LAMA3: variants seen among roughly 807,000 people sequenced by gnomAD.
The protein encoded by LAMA3 is laminin subunit alpha-3.
Under a neutral mutation model 402.0 loss-of-function variants are expected in LAMA3, and 281 were observed. That is an observed-to-expected ratio of 0.70 (90% CI 0.63 to 0.77). The LOEUF (loss-of-function observed/expected upper bound fraction) is 0.77, where lower values mean the gene tolerates loss of function less well. Among genes scored for constraint, LAMA3 ranks in the 30% least tolerant of loss-of-function variants. The probability of loss-of-function intolerance (pLI) is 0.00; values close to 1 mark genes in which losing one functional copy is unlikely to be tolerated. For missense variants in LAMA3, 3,840 were observed against 4,215.5 expected (o/e 0.91, Z 2.47); for synonymous variants, 1,431 against 1,558.4 (o/e 0.92, Z 1.93).
At chr18:23,913,588 T>C (rs774293027) in intron 56 of LAMA3, among the ~76,000 whole-genome samples, 1 of 152,176 alleles carries the variant, frequency 6.6e-6, no homozygotes, top group Non-Finnish European at 1.5e-5. Context: ...GGAAGAAAAA[T>C]GCTTGAAATA....
chr18:23,788,722 G>T (rs776346448), intron 12 of LAMA3, among the ~76,000 whole-genome samples: 2 of 151,766 alleles, frequency 1.3e-5, no homozygotes, highest in Non-Finnish European at 2.9e-5. Flanking sequence ...CTGTTTCTTA[G>T]ATATGACAAC....
chr18:23,758,536 C>A (rs2030073564), intron 7 of LAMA3, 25 bp downstream of exon 7: 3 of 1,492,072 alleles, frequency 2.0e-6, no homozygotes, highest in African/African-American at 2.0e-5. Context: ...GGGGTGGGGG[C>A]CACACGTGGC....
intron 48 of LAMA3, among the ~76,000 whole-genome samples, chr18:23,902,613 T>A (rs1179147860): frequency 6.6e-6 from 1 of 152,190 alleles, no homozygotes; most frequent in Non-Finnish European, 1.5e-5. Flanking sequence ...CATTCTCAGG[T>A]TCCGTGTGAC....
At chr18:23,872,563 G>A (rs1373612766) in intron 38 of LAMA3, among the ~76,000 whole-genome samples, 1 of 151,986 alleles carries the variant, frequency 6.6e-6, no homozygotes, top group African/African-American at 2.4e-5. Flanking sequence ...CTGCGCATAC[G>A]AGTTCCCACT....
intron 23 of LAMA3, 137 bp from the exon 24 acceptor site, chr18:23,833,691 C>T (rs568746777): frequency 1.1e-5 from 10 of 897,606 alleles, no homozygotes; most frequent in Non-Finnish European, 1.8e-5. Flanking sequence ...ACCTGTAGGA[C>T]CATATTCCTT....
Position 23,903,063 on chromosome 18 carries a change from A to G in LAMA3, c.6256A>G (p.Thr2086Ala). The stretch of plus-strand genomic sequence containing the variant: ...GAGTGATTTCACCAAGTATCTAACC[A>G]CTGCAGACTCATCTTTGTTGCAAAC... Reference protein sequence around the residue: ...LQSDFTKYLTTADSSLLQTNI... With the variant: ...LQSDFTKYLTAADSSLLQTNI... The change falls in exon 49 of 75, where the codon ACT becomes GCT. Residue 2086 changes from threonine (T) to alanine (A), a missense_variant. Thr to Ala is a moderately conservative substitution (Grantham distance 58). Coordinates refer to ENST00000313654, the MANE Select transcript of LAMA3 (RefSeq NM_198129.4). 6.2e-7 allele frequency: 1 copy of G among 1,613,392 alleles called. No homozygotes were observed. Among genetic ancestry groups the G allele is most frequent in the Non-Finnish European group, 8.5e-7 (1 of 1,179,464 alleles).
intron 61 of LAMA3, 98 bp downstream of exon 61, chr18:23,921,152 C>A: frequency 2.2e-6 from 3 of 1,343,558 alleles, no homozygotes; most frequent in Non-Finnish European, 2.1e-6. Context: ...CTTCCTATTA[C>A]CAGATAAACT....
At chr18:23,858,187 C>T (rs1269171219) in intron 33 of LAMA3, among the ~76,000 whole-genome samples, 199 bp downstream of exon 33, 2 of 152,176 alleles carry the variant, frequency 1.3e-5, no homozygotes, top group Non-Finnish European at 2.9e-5. Flanking sequence ...TTGGAGAGGT[C>T]TCAGACCGCC....
intron 33 of LAMA3, 49 bp from the exon 34 acceptor site, chr18:23,858,640 G>C (rs746886762): frequency 2.2e-5 from 36 of 1,605,684 alleles, no homozygotes; most frequent in Non-Finnish European, 3.0e-5. Flanking sequence ...ATTGCAACTA[G>C]GGAAATTTTG....
intron 68 of LAMA3, among the ~76,000 whole-genome samples, chr18:23,942,411 A>T (rs910445105): frequency 1.6e-4 from 24 of 152,186 alleles, no homozygotes; most frequent in African/African-American, 5.8e-4. Context: ...CCATCGTTGC[A>T]TTCCTACTGT....
At chr18:23,694,084 T>G (rs1243848738) in intron 1 of LAMA3, among the ~76,000 whole-genome samples, 1 of 152,226 alleles carries the variant, frequency 6.6e-6, no homozygotes, top group African/African-American at 2.4e-5. Context: ...GAAACTGCCC[T>G]GAGGAAAGCC....
chr18:23,887,245 G>A (rs970598737), intron 41 of LAMA3, among the ~76,000 whole-genome samples: 1 of 152,196 alleles, frequency 6.6e-6, no homozygotes, highest in Non-Finnish European at 1.5e-5. Context: ...CGAGAGATGG[G>A]AGAACTGGGC....
At chr18:23,742,650 A>G (rs867247601) in intron 2 of LAMA3, among the ~76,000 whole-genome samples, 2 of 148,040 alleles carry the variant, frequency 1.4e-5, no homozygotes, top group South Asian at 4.3e-4. Flanking sequence ...AGAATCAAAA[A>G]TGTGTGTGTG....
rs528809632 is a variant in LAMA3 at position 23,840,761 on chromosome 18, A to G, written c.3336+832A>G. Among the ~76,000 whole-genome samples, 4 of 152,296 alleles carry G rather than the reference A, an allele frequency of 2.6e-5. No individual in the cohort carries two copies. The East Asian group carries it at 7.7e-4, about 29-fold the overall frequency. ...AATCACAGGACTTTTAAAGTTCTGCATTATAAAAATATAATTTACATTATG... is the reference window on the plus strand; with the variant it reads ...AATCACAGGACTTTTAAAGTTCTGCGTTATAAAAATATAATTTACATTATG... On this transcript the variant is annotated intron_variant, in intron 27 of 74. Coordinates refer to ENST00000313654, the MANE Select transcript of LAMA3 (RefSeq NM_198129.4).
intron 13 of LAMA3, among the ~76,000 whole-genome samples, chr18:23,812,554 T>C (rs1464134327): frequency 6.6e-6 from 1 of 152,214 alleles, no homozygotes; most frequent in Non-Finnish European, 1.5e-5. Flanking sequence ...GATCCCAATT[T>C]ATTGAAGAGA....
At chr18:23,853,344 G>A (rs1272817543) in intron 32 of LAMA3, among the ~76,000 whole-genome samples, 1 of 152,130 alleles carries the variant, frequency 6.6e-6, no homozygotes, top group Non-Finnish European at 1.5e-5. Context: ...CGTGATCTCG[G>A]CTCACCGCAA....
intron 38 of LAMA3, chr18:23,873,102 G>T (rs1406261034): frequency 1.9e-6 from 3 of 1,614,218 alleles, no homozygotes; most frequent in Middle Eastern, 1.6e-4. Context: ...GATCTTTGGG[G>T]CAGCCCTGGG....
intron 68 of LAMA3, among the ~76,000 whole-genome samples, chr18:23,940,185 GCCCGCAGA>G (rs2082448884): frequency 1.3e-5 from 2 of 152,216 alleles, no homozygotes; most frequent in African/African-American, 4.8e-5. Context: ...GGCAGGGAGA[GCCCGCAGA>G]TGGCTGTGGG....
At chr18:23,914,663 TG>T (rs746943481) in intron 57 of LAMA3, 34 bp from the exon 58 acceptor site, 48 of 1,598,362 alleles carry the variant, frequency 3.0e-5, no homozygotes, top group Non-Finnish European at 4.0e-5. Flanking sequence ...TCAAATTTTT[TG>T]TTTAACTTTA....
Sources: allele counts gnomAD v4.1 joint callset (sites outside exome capture counted in the v4.1 genomes callset), GRCh38; gene constraint gnomAD v4.1.1; transcripts MANE v1.5; gene names NCBI Gene and HGNC (gene_info 2026-07-23, HGNC 2026-07-21).